Variants in GSDMC observed in about 807,000 individuals in gnomAD.
The protein encoded by GSDMC is gasdermin-C.
In GSDMC, 59 loss-of-function variants were observed where a neutral mutation model predicts 58.0. The ratio of observed to expected loss-of-function variants is 1.02; its 90% CI spans 0.82 to 1.26. The LOEUF is 1.26. Ranked by LOEUF, GSDMC falls within the 50% of genes most tolerant of loss-of-function variation. The pLI, the probability that GSDMC is intolerant of heterozygous loss-of-function variation, is 0.00. For synonymous variants in GSDMC, 241 were observed against 220.2 expected (o/e 1.09, Z -0.83); for missense variants, 659 against 598.5 (o/e 1.10, Z -1.06).
At chr8:129,761,418 C>T (rs1247550588) in intron 5 of GSDMC, among the ~76,000 whole-genome samples, 2 of 152,174 alleles carry the variant, frequency 1.3e-5, no homozygotes, top group South Asian at 4.1e-4. Context: ...TGGGTCCTCA[C>T]TTCCCCTCTT....
the GSDMC span, among the ~76,000 whole-genome samples, chr8:129,743,181 G>A: frequency 7.9e-5 from 12 of 152,106 alleles, no homozygotes; most frequent in Admixed American, 2.6e-4. Context: ...TTTTCAGCAC[G>A]TATTTCTTTT....
At chr8:129,776,976 G>A (rs568815240) in intron 2 of GSDMC, among the ~76,000 whole-genome samples, 77 of 151,476 alleles carry the variant, frequency 5.1e-4, no homozygotes, top group African/African-American at 1.7e-3. Context: ...CAGCATGTTG[G>A]CCAGACTGGT....
intron 3 of GSDMC, among the ~76,000 whole-genome samples, chr8:129,771,228 T>C (rs1350751061): frequency 2.6e-5 from 4 of 151,758 alleles, no homozygotes; most frequent in Admixed American, 1.3e-4. Context: ...AGTAAGAGAC[T>C]TTAATACCCA....
At chr8:129,728,018 A>G in the GSDMC span, among the ~76,000 whole-genome samples, 1 of 152,130 alleles carries the variant, frequency 6.6e-6, no homozygotes, top group Admixed American at 6.5e-5. Context: ...CACCCCAGAC[A>G]GAAATCCAGG....
chr8:129,765,668 T>C lies in GSDMC; in HGVS notation c.530A>G (p.Asn177Ser). Residue 177 changes from asparagine to serine, a missense_variant, in exon 4 of 14, where the codon AAT becomes AGT. Physicochemically the swap from Asn to Ser is conservative, Grantham distance 46. Transcript: ENST00000276708. ...NTVLYDSSSV[N>S]ILGKIALWIT... ...CCAAAGAGCAATTTTCCCTAAAATA[T>C]TCACACTACTGCTATCGTACAGCAC... The C allele has an allele frequency of 6.2e-7, 1 of 1,613,552 alleles. No individual in the cohort carries two copies. Among genetic ancestry groups the C allele is most frequent in the Non-Finnish European group, 8.5e-7 (1 of 1,179,466 alleles).
chr8:129,739,959 G>A, the GSDMC span, among the ~76,000 whole-genome samples: 1 of 152,174 alleles, frequency 6.6e-6, no homozygotes, highest in Non-Finnish European at 1.5e-5. Flanking sequence ...AGGTGTGGAG[G>A]TGGAAGAAAG....
At chr8:129,713,727 G>T in the GSDMC span, among the ~76,000 whole-genome samples, 1 of 152,072 alleles carries the variant, frequency 6.6e-6, no homozygotes, top group South Asian at 2.1e-4. Flanking sequence ...CAAACAGCCT[G>T]CCCCCACCAT....
chr8:129,733,436 C>T, the GSDMC span, among the ~76,000 whole-genome samples: 3 of 152,140 alleles, frequency 2.0e-5, no homozygotes, highest in Non-Finnish European at 2.9e-5. Flanking sequence ...CTCATACAGG[C>T]GGATGCCCCT....
the GSDMC span, among the ~76,000 whole-genome samples, chr8:129,721,475 C>T: frequency 6.6e-6 from 1 of 152,146 alleles, no homozygotes; most frequent in African/African-American, 2.4e-5. Flanking sequence ...TCAAAAGCAT[C>T]CTCAATTTTA....
the GSDMC span, among the ~76,000 whole-genome samples, chr8:129,736,171 A>G: frequency 6.6e-6 from 1 of 152,222 alleles, no homozygotes; most frequent in Non-Finnish European, 1.5e-5. Context: ...AACCAAAAAA[A>G]GTCCAGGACC....
intron 8 of GSDMC, 85 bp downstream of exon 8, chr8:129,752,021 G>A: frequency 6.8e-7 from 1 of 1,472,424 alleles, no homozygotes; most frequent in Non-Finnish European, 9.5e-7. Context: ...CAGACCCCAA[G>A]ACTTTGGGTA....
chr8:129,713,177 G>A, the GSDMC span, among the ~76,000 whole-genome samples: 2 of 152,238 alleles, frequency 1.3e-5, no homozygotes, highest in African/African-American at 2.4e-5. Context: ...TGTTCCAAAT[G>A]TGGAGACAGC....
intron 6 of GSDMC, among the ~76,000 whole-genome samples, chr8:129,758,861 A>G (rs1177234409): frequency 6.6e-6 from 1 of 152,132 alleles, no homozygotes; most frequent in Non-Finnish European, 1.5e-5. Context: ...AAGAAAAAAA[A>G]ATTCTAAAAT....
rs369514369 is a variant in GSDMC at position 129,760,521 on chromosome 8, A to G, written c.721+24T>C. On this transcript the variant is annotated intron_variant, in intron 6 of 13. Coordinates refer to ENST00000276708, the MANE Select transcript of GSDMC (RefSeq NM_031415.3). Reference sequence around the variant, plus strand: ...ATGTACTCATAAAAATAAAAAAATAAAAAGACCAGGCTTTGGAACTCACCA... The same window carrying G: ...ATGTACTCATAAAAATAAAAAAATAGAAAGACCAGGCTTTGGAACTCACCA... 2.7e-6 allele frequency: 4 copies of G among 1,490,848 alleles called. No individual in the cohort carries two copies. The African/African-American group carries it at 5.6e-5, about 21-fold the overall frequency. The allele number at this position is 1,490,848 out of a possible 1,614,324, so 92.4% of individuals were successfully genotyped here. A position where few individuals can be genotyped will look rare whatever the true frequency, so the allele number is the denominator to read the frequency against.
chr8:129,777,857 T>C (rs141516950), intron 1 of GSDMC, among the ~76,000 whole-genome samples: 53 of 152,206 alleles, frequency 3.5e-4, no homozygotes, highest in Admixed American at 1.2e-3. Context: ...GCATCTGGGA[T>C]TATAGGCACA....
At chr8:129,719,880 G>C in the GSDMC span, among the ~76,000 whole-genome samples, 1 of 152,146 alleles carries the variant, frequency 6.6e-6, no homozygotes, top group South Asian at 2.1e-4. Flanking sequence ...AGGAGGCAGA[G>C]GTTGCAGTGA....
At chr8:129,732,511 A>T in the GSDMC span, among the ~76,000 whole-genome samples, 1 of 152,220 alleles carries the variant, frequency 6.6e-6, no homozygotes, top group Admixed American at 6.5e-5. Context: ...GAACCAGCAC[A>T]AAAAATCTGA....
intron 6 of GSDMC, among the ~76,000 whole-genome samples, chr8:129,760,130 A>G (rs574280195): frequency 6.6e-6 from 1 of 152,316 alleles, no homozygotes; most frequent in South Asian, 2.1e-4. Flanking sequence ...CAAACATTTT[A>G]TGTTTTCACT....
intron 5 of GSDMC, 32 bp downstream of exon 5, chr8:129,762,594 C>T: frequency 7.7e-7 from 1 of 1,291,420 alleles, no homozygotes; most frequent in Non-Finnish European, 1.1e-6. Flanking sequence ...CCCTCCACTG[C>T]CATCTGCCTT....
Sources: allele counts gnomAD v4.1 joint callset (sites outside exome capture counted in the v4.1 genomes callset), GRCh38; gene constraint gnomAD v4.1.1; transcripts MANE v1.5; gene names NCBI Gene and HGNC (gene_info 2026-07-23, HGNC 2026-07-21).